CSMD3: variants seen among roughly 807,000 people sequenced by gnomAD.
CSMD3 encodes the protein CUB and sushi domain-containing protein 3.
In CSMD3, 177 loss-of-function variants were observed where a neutral mutation model predicts 435.2. The ratio of observed to expected loss-of-function variants is 0.41; its 90% confidence interval spans 0.36 to 0.46. The LOEUF (loss-of-function observed/expected upper bound fraction) is 0.46, where lower values mean the gene tolerates loss of function less well. Among genes scored for constraint, CSMD3 ranks in the 20% least tolerant of loss-of-function variants. The pLI, the probability that CSMD3 is intolerant of heterozygous loss-of-function variation, is 0.34. For missense variants in CSMD3, 4,265 were observed against 4,504.6 expected, an observed-to-expected ratio of 0.95 and a Z score of 1.52; for synonymous variants, 1,656 against 1,520.5, an observed-to-expected ratio of 1.09 and a Z score of -2.07.
At chr8:112,354,394 A>G (rs1826402573) in intron 38 of CSMD3, among the ~76,000 whole-genome samples, 1 of 152,192 alleles carries the variant, frequency 6.6e-6, no homozygotes, top group Non-Finnish European at 1.5e-5. Flanking sequence ...AAAGGAAAAA[A>G]CAATAAGTCA....
At chr8:112,926,531 C>A (rs557897037) in intron 9 of CSMD3, among the ~76,000 whole-genome samples, 1 of 152,084 alleles carries the variant, frequency 6.6e-6, no homozygotes, top group East Asian at 1.9e-4. Flanking sequence ...CTAGAGTTGA[C>A]CTTCTCATGA....
chr8:112,559,944 G>GA (rs947791137), intron 24 of CSMD3, among the ~76,000 whole-genome samples: 1 of 151,272 alleles, frequency 6.6e-6, no homozygotes, highest in Non-Finnish European at 1.5e-5. Context: ...AAATGCTGGA[G>GA]AAAAAAAACT....
intron 27 of CSMD3, among the ~76,000 whole-genome samples, chr8:112,543,728 A>G (rs1826896927): frequency 2.0e-5 from 3 of 152,276 alleles, no homozygotes; most frequent in Admixed American, 2.0e-4. Flanking sequence ...CCATTTCTAG[A>G]TATTTATCCT....
chr8:112,859,193 G>T lies in CSMD3; in HGVS notation c.1707C>A (p.Asp569Glu). ...FTSPNFPFQY[D>E]SNAQCVWVIT... is the part of the protein sequence containing the mutation. ...TGACCCAGACACATTGTGCATTGCT[G>T]TCATACTGGAACGGAAAGTTGGGAG... The change falls in exon 11 of 71, where the codon GAC becomes GAA. Residue 569 changes from aspartate to glutamate, a missense_variant. This residue lies in a region of CSMD3 where 731 missense variants were observed against 755.4 expected (regional missense o/e 0.97). Coordinates refer to ENST00000297405, the MANE Select transcript of CSMD3 (RefSeq NM_198123.2). 1 of 1,610,736 alleles carries T rather than the reference G, an allele frequency of 6.2e-7. No individual in the cohort carries two copies. The highest frequency in any genetic ancestry group is 8.5e-7 in the Non-Finnish European group (1 of 1,177,388).
chr8:112,929,249 G>T, intron 9 of CSMD3, among the ~76,000 whole-genome samples: 1 of 117,012 alleles, frequency 8.5e-6, no homozygotes. Context: ...AGGGGGGAGG[G>T]ATAGCATTGG....
At chr8:112,534,519 G>A (rs1408416174) in intron 27 of CSMD3, among the ~76,000 whole-genome samples, 1 of 152,194 alleles carries the variant, frequency 6.6e-6, no homozygotes, top group African/African-American at 2.4e-5. Flanking sequence ...TACAGGCTCT[G>A]AAATTGTGGC....
At chr8:112,797,004 G>A (rs2078845528) in intron 13 of CSMD3, among the ~76,000 whole-genome samples, 2 of 151,968 alleles carry the variant, frequency 1.3e-5, no homozygotes, top group African/African-American at 4.8e-5. Flanking sequence ...TTAGAATTAA[G>A]GACTGTTTTC....
intron 3 of CSMD3, among the ~76,000 whole-genome samples, chr8:113,235,492 T>C (rs2093137802): frequency 6.6e-6 from 1 of 151,990 alleles, no homozygotes. Context: ...CACTTTGACC[T>C]GTATGGGCCA....
At chr8:113,269,080 T>C (rs1196846151) in intron 3 of CSMD3, among the ~76,000 whole-genome samples, 2 of 152,094 alleles carry the variant, frequency 1.3e-5, no homozygotes, top group South Asian at 4.1e-4. Flanking sequence ...GTTTAATACA[T>C]ATATCAAAAA....
At chr8:113,143,301 T>TA (rs549203027) in intron 4 of CSMD3, among the ~76,000 whole-genome samples, 24 of 151,132 alleles carry the variant, frequency 1.6e-4, no homozygotes, top group East Asian at 5.9e-4. Context: ...ATGGCTAAAA[T>TA]AAAAAAACAG....
At chr8:112,492,338 C>T in intron 31 of CSMD3, 151 bp downstream of exon 31, 1 of 697,024 alleles carries the variant, frequency 1.4e-6, no homozygotes, top group South Asian at 1.8e-5. Context: ...TTGAATTCAA[C>T]TTTAAAATGT....
intron 30 of CSMD3, among the ~76,000 whole-genome samples, chr8:112,502,799 A>G (rs1822110715): frequency 6.6e-6 from 1 of 152,214 alleles, no homozygotes; most frequent in Admixed American, 6.5e-5. Context: ...AATATTAAAC[A>G]AAAGGTGGTA....
intron 1 of CSMD3, among the ~76,000 whole-genome samples, chr8:113,344,312 G>T (rs1256528795): frequency 6.6e-6 from 1 of 151,996 alleles, no homozygotes; most frequent in Non-Finnish European, 1.5e-5. Flanking sequence ...TTGCTTGCTG[G>T]TTGATTCACA....
At chr8:113,297,206 T>C (rs1037828277) in intron 2 of CSMD3, among the ~76,000 whole-genome samples, 7 of 152,090 alleles carry the variant, frequency 4.6e-5, no homozygotes, top group Admixed American at 1.3e-4. Context: ...GCTAGAAATA[T>C]AGATAAGATA....
chr8:113,289,554 C>CAGAGAGAGAGAGAGAGAGAGAGAGAGAG (rs66595138), intron 2 of CSMD3, among the ~76,000 whole-genome samples: 1 of 143,188 alleles, frequency 7.0e-6, no homozygotes, highest in African/African-American at 2.6e-5. Context: ...CAGAGAGAGA[C>CAGAGAGAGAGAGAGAGAGAGAGAGAGAG]AGAGAGAGAG....
At chr8:113,176,773 G>C (rs2092352446) in intron 3 of CSMD3, among the ~76,000 whole-genome samples, 1 of 151,786 alleles carries the variant, frequency 6.6e-6, no homozygotes, top group Non-Finnish European at 1.5e-5. Context: ...TAGAGTATTA[G>C]GGAAAAGAGC....
chr8:113,189,909 A>G (rs1302791375), intron 3 of CSMD3, among the ~76,000 whole-genome samples: 3 of 151,868 alleles, frequency 2.0e-5, no homozygotes, highest in Non-Finnish European at 2.9e-5. Context: ...ATTGAAATGT[A>G]AAGAATTCAT....
chr8:112,455,688 AT>A (rs1327140303), intron 32 of CSMD3, among the ~76,000 whole-genome samples: 138 of 151,100 alleles, frequency 9.1e-4, no homozygotes, highest in Admixed American at 1.9e-3. Flanking sequence ...TTTTCCTAGC[AT>A]TTTTTTTTCA....
At chr8:113,340,724 T>C (rs1004506406) in intron 1 of CSMD3, among the ~76,000 whole-genome samples, 7 of 151,856 alleles carry the variant, frequency 4.6e-5, no homozygotes, top group Non-Finnish European at 1.0e-4. Context: ...ATACAAAAAA[T>C]TAGCCAGGTG....
Sources: gnomAD v4.1 joint callset for allele counts (sites outside exome capture counted in the v4.1 genomes callset) on GRCh38, gnomAD v4.1.1 for gene constraint, gnomAD v4.1.1 regional missense constraint, MANE v1.5 for transcripts, NCBI Gene and HGNC (gene_info 2026-07-23, HGNC 2026-07-21) for gene names.